PDE8B: variants seen among roughly 807,000 people sequenced by gnomAD.
PDE8B encodes high affinity cAMP-specific and IBMX-insensitive 3',5'-cyclic phosphodiesterase 8B.
A neutral mutation model predicts 101.3 loss-of-function variants in PDE8B; 26 were observed. The ratio of observed to expected loss-of-function variants is 0.26; its 90% CI spans 0.19 to 0.36. The LOEUF (loss-of-function observed/expected upper bound fraction) is 0.36, where lower values mean the gene tolerates loss of function less well. PDE8B is among the 10% of genes least tolerant of loss of function. PDE8B has a pLI of 1.00. For missense variants in PDE8B, 810 were observed against 1,163.1 expected (o/e 0.70, Z 4.42); for synonymous variants, 424 against 429.3 (o/e 0.99, Z 0.15).
chr5:77,362,992 C>T (rs1274175618), intron 10 of PDE8B, among the ~76,000 whole-genome samples: 1 of 152,220 alleles, frequency 6.6e-6, no homozygotes, highest in African/African-American at 2.4e-5. Context: ...GTCCCCATCT[C>T]CCACTGATGC....
the PDE8B span, among the ~76,000 whole-genome samples, chr5:77,190,576 C>G: frequency 6.6e-6 from 1 of 152,322 alleles, no homozygotes; most frequent in Admixed American, 6.5e-5. Flanking sequence ...GCAATTGCTT[C>G]ACTGAAATCT....
intron 2 of PDE8B, among the ~76,000 whole-genome samples, chr5:77,321,836 C>G (rs190374972): frequency 1.0e-3 from 155 of 152,328 alleles, no homozygotes; most frequent in African/African-American, 3.4e-3. Flanking sequence ...ATAATAAGAT[C>G]TGTTGGCCTT....
intron 1 of PDE8B, among the ~76,000 whole-genome samples, chr5:77,241,157 G>A (rs1466300339): frequency 1.3e-5 from 2 of 152,114 alleles, no homozygotes; most frequent in Non-Finnish European, 2.9e-5. Flanking sequence ...TAAAACATCC[G>A]GAAAACTGGT....
At chr5:77,416,122 C>A (rs1002878436) in intron 17 of PDE8B, among the ~76,000 whole-genome samples, 2 of 152,174 alleles carry the variant, frequency 1.3e-5, no homozygotes, top group Non-Finnish European at 1.5e-5. Context: ...TCTGGTCTGA[C>A]AAGGCCTTGT....
chr5:77,208,387 A>G (rs572359519), upstream of PDE8B, among the ~76,000 whole-genome samples: 7 of 152,296 alleles, frequency 4.6e-5, no homozygotes, highest in South Asian at 1.4e-3. Context: ...CTGAAATGCT[A>G]TATGCATTAT....
Position 77,349,520 on chromosome 5 carries a change from CCTT to C in PDE8B, c.981_983del (p.Leu328del). On this transcript the variant is annotated inframe_deletion, in exon 8 of 22. Transcript: ENST00000264917. ...CCAAAAGCGATAAGAACCGGGCAGA[CCTT>C]CTCGACACCATCAATACATGCATCA... 6.2e-7 allele frequency: 1 copy of C among 1,614,170 alleles called. No individual in the cohort carries two copies. Among genetic ancestry groups the C allele is most frequent in the Non-Finnish European group, 8.5e-7 (1 of 1,180,012 alleles).
chr5:77,234,573 G>T (rs1036209570), intron 1 of PDE8B, among the ~76,000 whole-genome samples: 49 of 152,166 alleles, frequency 3.2e-4, no homozygotes, highest in African/African-American at 1.2e-3. Flanking sequence ...TCTGAAACTA[G>T]ACCCTCTGGT....
At chr5:77,229,378 C>G (rs1250750214) in intron 1 of PDE8B, among the ~76,000 whole-genome samples, 3 of 152,156 alleles carry the variant, frequency 2.0e-5, no homozygotes, top group Non-Finnish European at 4.4e-5. Flanking sequence ...GCAGATACTG[C>G]TATAGAATAC....
At chr5:77,274,084 C>T (rs1053660508) in intron 1 of PDE8B, among the ~76,000 whole-genome samples, 9 of 152,112 alleles carry the variant, frequency 5.9e-5, no homozygotes, top group Admixed American at 1.3e-4. Context: ...GGCCTCCCAA[C>T]GTGATGGGAT....
At chr5:77,181,050 G>A in the PDE8B span, among the ~76,000 whole-genome samples, 1 of 151,674 alleles carries the variant, frequency 6.6e-6, no homozygotes, top group Non-Finnish European at 1.5e-5. Flanking sequence ...ACTCTGCAAT[G>A]GGGCACCCAC....
At chr5:77,368,692 A>T (rs955853421) in intron 10 of PDE8B, among the ~76,000 whole-genome samples, 1 of 152,190 alleles carries the variant, frequency 6.6e-6, no homozygotes, top group African/African-American at 2.4e-5. Flanking sequence ...ATACATTCAG[A>T]CTAAATTAGA....
chr5:77,277,032 A>T (rs1248746088), intron 1 of PDE8B, among the ~76,000 whole-genome samples: 1 of 152,052 alleles, frequency 6.6e-6, no homozygotes, highest in Non-Finnish European at 1.5e-5. Flanking sequence ...AGTTGCTTTC[A>T]CGGTGGTTGT....
chr5:77,211,392 A>G lies in PDE8B; in HGVS notation c.339+128A>G. 2 of 825,100 alleles carry G rather than the reference A, an allele frequency of 2.4e-6. No individual in the cohort carries two copies. The highest frequency in any genetic ancestry group is 1.8e-5 in the African/African-American group (1 of 55,136). 51.1% of individuals were successfully genotyped at this position (825,100 alleles called of 1,614,324 possible). A position where few individuals can be genotyped will look rare whatever the true frequency, so the allele number is the denominator to read the frequency against. ...TGGTTTGGAGAGGTTGTCACTAAGG[A>G]GGAGTTTACTTTTCATTTGTGGAGA... On this transcript the variant is annotated intron_variant, in intron 1 of 21. Transcript: ENST00000264917. This position sits in a 1 kb window ranked among gnomAD's most constrained non-coding sequence, Gnocchi z 4.1.
upstream of PDE8B, chr5:77,210,593 A>G (rs1268712141): frequency 3.1e-6 from 3 of 961,598 alleles, no homozygotes; most frequent in African/African-American, 5.7e-5. The surrounding 1 kb of genome is among the most constrained non-coding windows in gnomAD (Gnocchi z 4.9). Context: ...GGCCGCGCCG[A>G]GGGAGGAGGG....
At chr5:77,287,230 C>T (rs1355364180) in intron 1 of PDE8B, among the ~76,000 whole-genome samples, 3 of 151,614 alleles carry the variant, frequency 2.0e-5, no homozygotes, top group African/African-American at 7.3e-5. Context: ...TCTGGAAATT[C>T]TTTTATTATT....
the PDE8B span, among the ~76,000 whole-genome samples, chr5:77,191,506 C>A: frequency 9.9e-5 from 15 of 151,780 alleles, no homozygotes; most frequent in African/African-American, 3.6e-4. Flanking sequence ...GTGCCCGCCA[C>A]CACACCTGGC....
intron 5 of PDE8B, among the ~76,000 whole-genome samples, chr5:77,332,068 G>A (rs910348083): frequency 6.6e-6 from 1 of 152,170 alleles, no homozygotes; most frequent in Non-Finnish European, 1.5e-5. Flanking sequence ...GTAGAAATTA[G>A]ATTGGAGGCA....
intron 10 of PDE8B, among the ~76,000 whole-genome samples, chr5:77,367,616 C>T (rs1381034450): frequency 6.6e-6 from 1 of 150,932 alleles, no homozygotes; most frequent in African/African-American, 2.4e-5. Context: ...CTGCAACCTC[C>T]GACTCCCGGG....
the PDE8B span, chr5:77,088,299 CGT>C: frequency 3.1e-4 from 47 of 152,434 alleles, no homozygotes; most frequent in African/African-American, 1.1e-3. Flanking sequence ...CCCAAATGGG[CGT>C]GTGTTACAGT....
Sources: allele counts gnomAD v4.1 joint callset (sites outside exome capture counted in the v4.1 genomes callset), GRCh38; gene constraint gnomAD v4.1.1; non-coding constraint Gnocchi (gnomAD v3.1); transcripts MANE v1.5; gene names NCBI Gene and HGNC (gene_info 2026-07-23, HGNC 2026-07-21).